Variants in MARCHF6 observed in about 807,000 individuals in gnomAD.
MARCHF6 encodes E3 ubiquitin-protein ligase MARCHF6.
MARCHF6 carries 31 observed loss-of-function variants against 133.7 expected under a neutral mutation model. The ratio of observed to expected loss-of-function variants is 0.23; its 90% confidence interval spans 0.17 to 0.31. MARCHF6 has a LOEUF of 0.31. MARCHF6 is among the 10% of genes least tolerant of loss of function. The pLI, the probability that MARCHF6 is intolerant of heterozygous loss-of-function variation, is 1.00. For synonymous variants in MARCHF6, 395 were observed against 402.5 expected (o/e 0.98, Z 0.22); for missense variants, 723 against 1,121.6 (o/e 0.64, Z 5.08).
chr5:10,391,445 T>TG (rs990548182), intron 6 of MARCHF6, 97 bp from the exon 7 acceptor site: 6 of 515,756 alleles, frequency 1.2e-5, no homozygotes, highest in African/African-American at 8.2e-5. Flanking sequence ...GGTTTTTTTT[T>TG]TTTTTTTTTT....
At chr5:10,414,353 G>A in intron 19 of MARCHF6, 80 bp from the exon 20 acceptor site, 2 of 782,870 alleles carry the variant, frequency 2.6e-6, no homozygotes, top group South Asian at 3.6e-5. Context: ...CTTTTTAATG[G>A]GAAGATTGTG....
intron 17 of MARCHF6, among the ~76,000 whole-genome samples, chr5:10,408,530 G>GT (rs1166503864): frequency 6.6e-6 from 1 of 152,218 alleles, no homozygotes; most frequent in East Asian, 1.9e-4. Flanking sequence ...CCAGATTAAG[G>GT]TTTTTAAATT....
rs1737756457 is a variant in MARCHF6, at chr5:10,390,456, C to T, written c.532C>T (p.His178Tyr). The change falls in exon 6 of 26, where the codon CAT becomes TAT. Residue 178 changes from histidine (H) to tyrosine (Y), a missense_variant. His to Tyr is a moderately conservative substitution (Grantham distance 83). Transcript: ENST00000274140. Reference sequence around the variant, plus strand: ...TGGGGGAGCACCAATTTGGTTGGAGCATGCTGCCCCACCGTTCAATGCTGC... The same window carrying T: ...TGGGGGAGCACCAATTTGGTTGGAGTATGCTGCCCCACCGTTCAATGCTGC... The part of the protein sequence containing the change: ...VHGGAPIWLE[H>Y]AAPPFNAAGH... The T allele has an allele frequency of 6.2e-7, 1 of 1,613,896 alleles. No homozygotes were observed. The highest frequency in any genetic ancestry group is 1.7e-5 in the Admixed American group (1 of 59,976).
intron 24 of MARCHF6, among the ~76,000 whole-genome samples, chr5:10,428,064 CA>C (rs1045520113): frequency 3.8e-4 from 55 of 144,626 alleles, no homozygotes; most frequent in Admixed American, 3.4e-4. Context: ...GACCCTGTCT[CA>C]AAAAAAAAAA....
In MARCHF6 at chr5:10,429,395, CTTTTTTTT is replaced by C. The variant is rs571345405; in HGVS notation, c.2507-488_2507-481del. Among the ~76,000 whole-genome samples, 5 of 134,590 alleles carry C rather than the reference CTTTTTTTT, an allele frequency of 3.7e-5. No homozygotes were observed. In the Admixed American group the frequency reaches 3.8e-4, roughly 10 times the overall value. 88.3% of individuals were successfully genotyped at this position (134,590 alleles called of 152,430 possible). ...CATGAGAAGTCATCTCGTCCAGTTC[CTTTTTTTT>C]TTTTTTTTTGAGGCAGGGTCTCACT... On this transcript the variant is annotated intron_variant, in intron 24 of 25. Coordinates refer to ENST00000274140, the MANE Select transcript of MARCHF6 (RefSeq NM_005885.4).
intron 1 of MARCHF6, among the ~76,000 whole-genome samples, chr5:10,375,291 T>A (rs1736704857): frequency 1.3e-5 from 2 of 152,320 alleles, no homozygotes; most frequent in Admixed American, 1.3e-4. Flanking sequence ...GTGAGAGACT[T>A]GGCACCCGGG....
intron 1 of MARCHF6, among the ~76,000 whole-genome samples, chr5:10,375,139 G>T (rs1046665999): frequency 2.6e-5 from 4 of 152,240 alleles, no homozygotes; most frequent in African/African-American, 9.6e-5. Flanking sequence ...GGCTCCCTCA[G>T]CTTGCAGGGA....
intron 10 of MARCHF6, among the ~76,000 whole-genome samples, chr5:10,398,635 C>A (rs191011104): frequency 6.6e-6 from 1 of 150,734 alleles, no homozygotes. Context: ...AGTCTTTACT[C>A]TTGCAGAAAA....
In MARCHF6 at chr5:10,434,082, G is replaced by T; in HGVS notation, c.*398G>T. ...CAAGACTTTTCAGTGACGCCTTGTGGAACGCAGTTCATGATGTCCTAGCAG... is the reference window on the plus strand; with the variant it reads ...CAAGACTTTTCAGTGACGCCTTGTGTAACGCAGTTCATGATGTCCTAGCAG... On this transcript the variant is annotated 3_prime_UTR_variant, in exon 26 of 26. Transcript: ENST00000274140. 5.5e-6 allele frequency: 1 copy of T among 183,206 alleles called. No individual in the cohort carries two copies. Among genetic ancestry groups the T allele is most frequent in the Non-Finnish European group, 1.2e-5 (1 of 86,428 alleles). 11.3% of individuals were successfully genotyped at this position (183,206 alleles called of 1,614,324 possible).
intron 22 of MARCHF6, among the ~76,000 whole-genome samples, chr5:10,423,024 T>TTTG (rs888077887): frequency 4.6e-5 from 7 of 152,046 alleles, no homozygotes; most frequent in Admixed American, 3.3e-4. Flanking sequence ...AATACCGTTT[T>TTTG]TTGTTGTTGT....
intron 14 of MARCHF6, among the ~76,000 whole-genome samples, chr5:10,402,999 T>A (rs1738637024): frequency 6.6e-6 from 1 of 152,206 alleles, no homozygotes; most frequent in Non-Finnish European, 1.5e-5. Flanking sequence ...TTATACTCTT[T>A]AATTGCTGTT....
intron 17 of MARCHF6, among the ~76,000 whole-genome samples, chr5:10,407,996 T>C (rs1467358087): frequency 1.6e-5 from 2 of 127,610 alleles, no homozygotes; most frequent in Non-Finnish European, 3.2e-5. Flanking sequence ...AACCTCCCAC[T>C]ACCAGTAATC....
intron 4 of MARCHF6, 60 bp downstream of exon 4, chr5:10,382,003 A>AATATT: frequency 7.0e-7 from 1 of 1,430,144 alleles, no homozygotes; most frequent in Non-Finnish European, 9.7e-7. Context: ...TTAATATTAT[A>AATATT]AAGCAATATT....
chr5:10,362,736 A>G (rs1017696269), intron 1 of MARCHF6, among the ~76,000 whole-genome samples: 6 of 152,190 alleles, frequency 3.9e-5, no homozygotes, highest in African/African-American at 1.4e-4. Flanking sequence ...AGATGTTTGT[A>G]TGTTCTTTGA....
chr5:10,353,969 T>A, intron 1 of MARCHF6, 52 bp downstream of exon 1: 1 of 1,517,876 alleles, frequency 6.6e-7, no homozygotes, highest in Non-Finnish European at 8.8e-7. Flanking sequence ...CCCGGGTTCG[T>A]ACCCCGGCCA....
At chr5:10,365,751 C>T (rs561527974) in intron 1 of MARCHF6, among the ~76,000 whole-genome samples, 15 of 152,226 alleles carry the variant, frequency 9.9e-5, no homozygotes, top group African/African-American at 3.1e-4. Context: ...AGCAATTAAA[C>T]ACTATCTACT....
At position 10,353,759 on chromosome 5, in the gene MARCHF6, C is replaced by T. The variant is rs1260559846; in HGVS notation, c.-140C>T. 3 of 686,082 alleles carry T rather than the reference C, an allele frequency of 4.4e-6. No homozygotes were observed. Among genetic ancestry groups the T allele is most frequent in the African/African-American group, 1.9e-5 (1 of 53,500 alleles). The allele number at this position is 686,082 out of a possible 1,614,324, so 42.5% of individuals were successfully genotyped here. ...CAGCCTCTCTCCCTCTCCCTCTCCC[C>T]TCTCCTTCCTCTCGCTTCCTCTCTC... On this transcript the variant is annotated 5_prime_UTR_variant, in exon 1 of 26. Transcript: ENST00000274140.
At chr5:10,361,238 T>C (rs1041150362) in intron 1 of MARCHF6, among the ~76,000 whole-genome samples, 5 of 152,246 alleles carry the variant, frequency 3.3e-5, no homozygotes, top group Non-Finnish European at 7.3e-5. Flanking sequence ...TTGATTTTTA[T>C]ATTATTTCAA....
intron 25 of MARCHF6, among the ~76,000 whole-genome samples, chr5:10,432,926 G>A (rs1490547428): frequency 2.2e-5 from 3 of 136,588 alleles, no homozygotes; most frequent in African/African-American, 5.6e-5. Flanking sequence ...TTTTTGAGAC[G>A]GAGTCACACT....
Sources: allele counts gnomAD v4.1 joint callset (sites outside exome capture counted in the v4.1 genomes callset), GRCh38; gene constraint gnomAD v4.1.1; transcripts MANE v1.5; gene names NCBI Gene and HGNC (gene_info 2026-07-23, HGNC 2026-07-21).